Variants in VCPKMT observed in about 807,000 individuals in gnomAD.
VCPKMT encodes the protein valosin containing protein lysine methyltransferase.
VCPKMT carries 32 observed loss-of-function variants against 28.6 expected under a neutral mutation model. The observed-to-expected ratio is 1.12, with a 90% CI of 0.84 to 1.50. The LOEUF (loss-of-function observed/expected upper bound fraction) is 1.50, where lower values mean the gene tolerates loss of function less well. Among genes scored for constraint, VCPKMT ranks in the 40% most tolerant of loss-of-function variants. The probability of loss-of-function intolerance (pLI) is 0.00; values close to 1 mark genes in which losing one functional copy is unlikely to be tolerated. For synonymous variants in VCPKMT, 138 were observed against 111.4 expected, an observed-to-expected ratio of 1.24 and a Z score of -1.50; for missense variants, 366 against 285.0, an observed-to-expected ratio of 1.28 and a Z score of -2.05.
At chr14:50,112,866 A>C in intron 4 of VCPKMT, 147 bp from the exon 5 acceptor site, 1 of 495,836 alleles carries the variant, frequency 2.0e-6, no homozygotes, top group South Asian at 2.3e-5. Context: ...GGCTCACTGC[A>C]ACCTCCACCT....
Position 50,108,729 on chromosome 14 carries a change from G to A in VCPKMT, c.*970C>T. The A allele has an allele frequency of 2.0e-6, 2 of 985,780 alleles. No homozygotes were observed. Among genetic ancestry groups the A allele is most frequent in the Non-Finnish European group, 2.4e-6 (2 of 829,916 alleles). The allele number at this position is 985,780 out of a possible 1,614,324, so 61.1% of individuals were successfully genotyped here. ...AATTCCATCCGGTTACTACTCTTTG[G>A]AACAAGTATGATTAAAGTCCTTGAC... On this transcript the variant is annotated 3_prime_UTR_variant, in exon 6 of 6. Coordinates refer to ENST00000395860, the MANE Select transcript of VCPKMT (RefSeq NM_024558.3).
At position 50,116,442 on chromosome 14, in the gene VCPKMT, G is replaced by C; in HGVS notation, c.111C>G (p.Gly37=). 6.2e-7 allele frequency: 1 copy of C among 1,613,946 alleles called. No homozygotes were observed. The highest frequency in any genetic ancestry group is 1.1e-5 in the South Asian group (1 of 91,078). Residue 37 remains glycine, a synonymous_variant, in exon 1 of 6, where the codon GGC becomes GGG. Transcript: ENST00000395860. ...CAGCGTCCCACACAACGCAACCCAC[G>C]CCACCGGAGCTATACTGCTGTAGTC... is the stretch of plus-strand genomic sequence containing the variant. ...VLRLQQYSSG[G]VGCVVWDAAI...
chr14:50,108,927 A>G lies in VCPKMT; in HGVS notation c.*772T>C, dbSNP rs1882452540. ...CCAGATTTTCCTGGAACATATACAT[A>G]AAGTGCATGAGCCACGTAAGTGCAT... On this transcript the variant is annotated 3_prime_UTR_variant, in exon 6 of 6. Transcript: ENST00000395860. 21 of 985,362 alleles carry G rather than the reference A, an allele frequency of 2.1e-5. No individual in the cohort carries two copies. Among genetic ancestry groups the G allele is most frequent in the Non-Finnish European group, 2.5e-5 (21 of 829,946 alleles). The allele number at this position is 985,362 out of a possible 1,614,324, so 61.0% of individuals were successfully genotyped here.
intron 4 of VCPKMT, chr14:50,113,461 G>A (rs1882844711): frequency 6.6e-6 from 1 of 152,000 alleles, no homozygotes; most frequent in South Asian, 2.1e-4. Context: ...CCCTCAAAAG[G>A]AGTCACTCAC....
At chr14:50,111,587 T>C (rs1882665873) in intron 5 of VCPKMT, 2 of 985,254 alleles carry the variant, frequency 2.0e-6, no homozygotes, top group Non-Finnish European at 1.2e-6. Context: ...AATACAAAAA[T>C]AGATGAAAGG....
chr14:50,114,774 C>G (rs2139443855), intron 3 of VCPKMT, among the ~76,000 whole-genome samples: 1 of 152,322 alleles, frequency 6.6e-6, no homozygotes, highest in South Asian at 2.1e-4. Context: ...ACTTGAGCCT[C>G]AGGAGCTCGA....
Position 50,108,869 on chromosome 14 carries a change from C to T in VCPKMT, c.*830G>A, listed in dbSNP as rs1882449488. On this transcript the variant is annotated 3_prime_UTR_variant, in exon 6 of 6. Coordinates refer to ENST00000395860, the MANE Select transcript of VCPKMT (RefSeq NM_024558.3). ...TTTGTAGTTATTCAAAAACCTTTCA[C>T]TGCTTCATGTAAACAATACCAGTAT... The T allele has an allele frequency of 1.0e-6, 1 of 985,330 alleles. No homozygotes were observed. The highest frequency in any genetic ancestry group is 1.2e-6 in the Non-Finnish European group (1 of 829,934). The allele number at this position is 985,330 out of a possible 1,614,324, so 61.0% of individuals were successfully genotyped here. A position where few individuals can be genotyped will look rare whatever the true frequency, so the allele number is the denominator to read the frequency against.
Position 50,112,638 on chromosome 14 carries a change from TAATATG to T in VCPKMT, c.646_651del (p.His216_Ile217del), listed in dbSNP as rs1193165064. The T allele has an allele frequency of 6.4e-7, 1 of 1,559,850 alleles. No individual in the cohort carries two copies. The highest frequency in any genetic ancestry group is 8.7e-7 in the Non-Finnish European group (1 of 1,147,266). ...ACCGATTTTTTCTTTCTGATGTATATAATATGAATATCTTCACTTCGATACTCTTCA... is the reference window on the plus strand; with the variant it reads ...ACCGATTTTTTCTTTCTGATGTATATAATATCTTCACTTCGATACTCTTCA... On this transcript the variant is annotated inframe_deletion, in exon 5 of 6. Coordinates refer to ENST00000395860, the MANE Select transcript of VCPKMT (RefSeq NM_024558.3).
chr14:50,108,390 C>A (rs1354911353), downstream of VCPKMT, among the ~76,000 whole-genome samples: 1 of 152,096 alleles, frequency 6.6e-6, no homozygotes. Context: ...CCTCACAAAG[C>A]ACCACAGATT....
intron 3 of VCPKMT, 151 bp from the exon 4 acceptor site, chr14:50,114,555 G>A (rs888282515): frequency 1.9e-6 from 1 of 528,266 alleles, no homozygotes; most frequent in African/African-American, 2.0e-5. Context: ...AAAGCTCTAG[G>A]CTAGGTGCAG....
chr14:50,115,158 T>G lies in VCPKMT; in HGVS notation c.450+681A>C, dbSNP rs550963763. 8.3e-4 allele frequency among the ~76,000 whole-genome samples: 104 copies of G among 125,892 alleles called. No individual in the cohort carries two copies. The East Asian group carries it at 0.02, about 24-fold the overall frequency. The allele number at this position is 125,892 out of a possible 152,430, so 82.6% of individuals were successfully genotyped here. ...ATACAAACTGATGTTTTTTTTTTTT[T>G]TTTTTTTTTTTGAGACAGAGTTTTG... On this transcript the variant is annotated intron_variant, in intron 3 of 5. Coordinates refer to ENST00000395860, the MANE Select transcript of VCPKMT (RefSeq NM_024558.3).
Position 50,109,688 on chromosome 14 carries a change from G to T in VCPKMT, c.*11C>A. On this transcript the variant is annotated 3_prime_UTR_variant, in exon 6 of 6. Coordinates refer to ENST00000395860, the MANE Select transcript of VCPKMT (RefSeq NM_024558.3). Reference sequence around the variant, plus strand: ...AGGTTGTTAGAGCCTTGGGTAAGATGATTAAAGGCTTCACGATGGAAATTT... The same window carrying T: ...AGGTTGTTAGAGCCTTGGGTAAGATTATTAAAGGCTTCACGATGGAAATTT... 1 of 1,601,416 alleles carries T rather than the reference G, an allele frequency of 6.2e-7. No individual in the cohort carries two copies. The highest frequency in any genetic ancestry group is 1.1e-5 in the South Asian group (1 of 88,736).
chr14:50,104,308 A>G (rs1233513618), downstream of VCPKMT, among the ~76,000 whole-genome samples: 1 of 152,252 alleles, frequency 6.6e-6, no homozygotes, highest in Non-Finnish European at 1.5e-5. Flanking sequence ...CTTCACCAAC[A>G]CATAAGAACT....
downstream of VCPKMT, among the ~76,000 whole-genome samples, chr14:50,107,351 G>A (rs202128364): frequency 4.6e-5 from 7 of 150,948 alleles, no homozygotes; most frequent in East Asian, 1.4e-3. Context: ...GTCTTGCTCT[G>A]TCACCCAGGC....
Position 50,108,778 on chromosome 14 carries a change from G to C in VCPKMT, c.*921C>G, listed in dbSNP as rs1400875883. On this transcript the variant is annotated 3_prime_UTR_variant, in exon 6 of 6. Coordinates refer to ENST00000395860, the MANE Select transcript of VCPKMT (RefSeq NM_024558.3). Reference sequence around the variant, plus strand: ...ACAGATTATTGTATATGAGCGAATGGCTTCATAACATAAAACAGAGAGACA... The same window carrying C: ...ACAGATTATTGTATATGAGCGAATGCCTTCATAACATAAAACAGAGAGACA... The C allele has an allele frequency of 2.0e-6, 2 of 985,508 alleles. No individual in the cohort carries two copies. Among genetic ancestry groups the C allele is most frequent in the Admixed American group, 1.2e-4 (2 of 16,246 alleles). The allele number at this position is 985,508 out of a possible 1,614,324, so 61.0% of individuals were successfully genotyped here.
At chr14:50,115,720 T>C (rs1594945399) in intron 3 of VCPKMT, 119 bp downstream of exon 3, 1 of 1,184,924 alleles carries the variant, frequency 8.4e-7, no homozygotes, top group Non-Finnish European at 1.2e-6. Context: ...CTTTACTGCA[T>C]CAACTATAAG....
chr14:50,106,867 C>CA (rs746225795), downstream of VCPKMT, among the ~76,000 whole-genome samples: 5 of 152,242 alleles, frequency 3.3e-5, no homozygotes, highest in East Asian at 1.9e-4. Context: ...TACAGGTGTA[C>CA]ACCACCACAC....
At chr14:50,116,216 G>T (rs374845364) in intron 1 of VCPKMT, 37 bp from the exon 2 acceptor site, 2 of 1,613,218 alleles carry the variant, frequency 1.2e-6, no homozygotes, top group Non-Finnish European at 8.5e-7. Context: ...AGGCACAGGG[G>T]GGAAAGCCTG....
At position 50,109,695 on chromosome 14, in the gene VCPKMT, G is replaced by A; in HGVS notation, c.*4C>T. 5 of 1,602,184 alleles carry A rather than the reference G, an allele frequency of 3.1e-6. No homozygotes were observed. Among genetic ancestry groups the A allele is most frequent in the Non-Finnish European group, 4.3e-6 (5 of 1,174,724 alleles). Reference sequence around the variant, plus strand: ...TAGAGCCTTGGGTAAGATGATTAAAGGCTTCACGATGGAAATTTCTATAAC... The same window carrying A: ...TAGAGCCTTGGGTAAGATGATTAAAAGCTTCACGATGGAAATTTCTATAAC... On this transcript the variant is annotated 3_prime_UTR_variant, in exon 6 of 6. Coordinates refer to ENST00000395860, the MANE Select transcript of VCPKMT (RefSeq NM_024558.3).
Sources: allele counts gnomAD v4.1 joint callset (sites outside exome capture counted in the v4.1 genomes callset), GRCh38; gene constraint gnomAD v4.1.1; transcripts MANE v1.5; gene names NCBI Gene and HGNC (gene_info 2026-07-23, HGNC 2026-07-21).